Variants in IL17REL observed in about 807,000 individuals in gnomAD.
IL17REL encodes interleukin 17 receptor E like, also known as interleukin-17 receptor E-like protein.
IL17REL carries 36 observed loss-of-function variants against 49.0 expected under a neutral mutation model. The ratio of observed to expected loss-of-function variants is 0.73; its 90% CI spans 0.56 to 0.97. The LOEUF (loss-of-function observed/expected upper bound fraction) is 0.97. IL17REL is among the 50% of genes least tolerant of loss of function. The pLI, the probability that IL17REL is intolerant of heterozygous loss-of-function variation, is 0.00. For synonymous variants in IL17REL, 206 were observed against 192.4 expected, an observed-to-expected ratio of 1.07 and a Z score of -0.58; for missense variants, 470 against 453.9, an observed-to-expected ratio of 1.04 and a Z score of -0.32.
At chr22:50,011,660 C>A (rs1478785630), upstream of IL17REL, among the ~76,000 whole-genome samples, 1 of 152,162 alleles carries the variant, frequency 6.6e-6, no homozygotes, top group East Asian at 1.9e-4. Context: ...CCCATCTCCC[C>A]TGCTGCCACC....
intron 10 of IL17REL, 61 bp from the exon 13 acceptor site, chr22:49,997,544 C>T: frequency 1.5e-6 from 2 of 1,322,290 alleles, no homozygotes; most frequent in Non-Finnish European, 2.2e-6. Context: ...TCCCTTCCTT[C>T]CCCAGTGGGC....
chr22:49,993,418 G>A (rs906006815), downstream of IL17REL, among the ~76,000 whole-genome samples: 5 of 152,268 alleles, frequency 3.3e-5, no homozygotes, highest in Non-Finnish European at 5.9e-5. The surrounding 1 kb of genome is among the most constrained non-coding windows in gnomAD (Gnocchi z 6.0). Context: ...GTGGGTTTCC[G>A]GCGGTGGTGG....
chr22:49,991,885 A>T (rs1282749110), downstream of IL17REL, among the ~76,000 whole-genome samples: 1 of 152,188 alleles, frequency 6.6e-6, no homozygotes, highest in Non-Finnish European at 1.5e-5. Context: ...AGGTCCTGAC[A>T]TGTGCCTGAG....
exon 8 of IL17REL, chr22:49,998,167 C>A (rs1300602152): frequency 8.7e-6 from 14 of 1,608,808 alleles, no homozygotes; most frequent in Non-Finnish European, 1.1e-5. Flanking sequence ...TGGATTGCTG[C>A]AGCTTACGGC....
rs537662144 is a variant in IL17REL, at chr22:49,997,313, G to A, written c.974+7C>T. On this transcript the variant is annotated splice_region_variant and intron_variant, in intron 11 of 12. Transcript: ENST00000341280. The stretch of plus-strand genomic sequence containing the variant: ...CCCCAGGATGGAGCCCCACTCTCTC[G>A]GCTCACTGAGGCTGAAGGGAGCGGG... 8.7e-6 allele frequency: 14 copies of A among 1,611,720 alleles called. No individual in the cohort carries two copies. Among genetic ancestry groups the A allele is most frequent in the East Asian group, 2.2e-5 (1 of 44,824 alleles).
At chr22:50,000,788 G>A (rs1275395271) in exon 3 of IL17REL, 1 of 1,599,390 alleles carries the variant, frequency 6.3e-7, no homozygotes. Flanking sequence ...GGAGGCCCTG[G>A]CCACCCACAC....
chr22:50,004,735 C>G (rs1459187715), intron 1 of IL17REL, among the ~76,000 whole-genome samples: 1 of 151,508 alleles, frequency 6.6e-6, no homozygotes, highest in African/African-American at 2.4e-5. Context: ...GTGGTACACA[C>G]CTGTAGTCCT....
At chr22:49,998,621 T>C (rs2061052462) in intron 7 of IL17REL, among the ~76,000 whole-genome samples, 1 of 135,898 alleles carries the variant, frequency 7.4e-6, no homozygotes, top group Admixed American at 7.4e-5. Flanking sequence ...GTCATGGGTA[T>C]GGGTGTGCGT....
intron 8 of IL17REL, 30 bp from the exon 11 acceptor site, chr22:49,998,099 T>G: frequency 1.3e-6 from 2 of 1,591,716 alleles, no homozygotes; most frequent in Non-Finnish European, 1.7e-6. Flanking sequence ...GGCTGTGGCA[T>G]CCATGCCCAC....
chr22:50,000,085 C>T, intron 4 of IL17REL, 111 bp downstream of exon 6: 1 of 1,183,862 alleles, frequency 8.4e-7, no homozygotes, highest in Non-Finnish European at 1.1e-6. Context: ...TTGGGAGTCG[C>T]CCGCCCGAGG....
intron 4 of IL17REL, 51 bp downstream of exon 5, chr22:50,000,427 G>C (rs1292605361): frequency 7.1e-7 from 1 of 1,401,910 alleles, no homozygotes; most frequent in Non-Finnish European, 1.0e-6. Flanking sequence ...CCCCAAGCCA[G>C]GCCCTGGAGG....
chr22:50,007,426 A>C (rs1266577478), intron 1 of IL17REL, among the ~76,000 whole-genome samples: 1 of 152,158 alleles, frequency 6.6e-6, no homozygotes, highest in Non-Finnish European at 1.5e-5. Flanking sequence ...GCTGGAGTGC[A>C]ATGGTGCAAT....
intron 3 of IL17REL, 46 bp from the exon 5 acceptor site, chr22:50,000,638 C>T (rs1225924767): frequency 1.3e-6 from 2 of 1,573,320 alleles, no homozygotes; most frequent in Admixed American, 1.7e-5. Context: ...AGGCACTGCC[C>T]ACCCCACCCG....
At chr22:50,001,846 C>T (rs1483259438) in intron 1 of IL17REL, among the ~76,000 whole-genome samples, 2 of 152,232 alleles carry the variant, frequency 1.3e-5, no homozygotes, top group African/African-American at 2.4e-5. Flanking sequence ...TCACGTGAGC[C>T]ACAGAGCCTG....
At chr22:49,997,522 C>T (rs1601884814) in intron 10 of IL17REL, 39 bp from the exon 13 acceptor site, 2 of 1,350,566 alleles carry the variant, frequency 1.5e-6, no homozygotes, top group Admixed American at 1.9e-5. Context: ...TCCGGCCCAG[C>T]ACCCCACCGC....
In IL17REL at chr22:50,000,599, A is replaced by T. The variant is rs748762252; in HGVS notation, c.220-7T>A. 3 of 1,611,568 alleles carry T rather than the reference A, an allele frequency of 1.9e-6. No homozygotes were observed. In the South Asian group the frequency reaches 3.3e-5, roughly 18 times the overall value. On this transcript the variant is annotated splice_polypyrimidine_tract_variant and splice_region_variant and intron_variant, in intron 3 of 12. Coordinates refer to ENST00000341280, the Ensembl canonical transcript of IL17REL. Reference sequence around the variant, plus strand: ...AGCCAAAGTGCACTTGGAGCTGAGCAGGTGCAGGTGTGAGCTGCGTGGACT... The same window carrying T: ...AGCCAAAGTGCACTTGGAGCTGAGCTGGTGCAGGTGTGAGCTGCGTGGACT...
intron 1 of IL17REL, 135 bp downstream of exon 2, chr22:50,008,502 C>T (rs2061121905): frequency 6.6e-6 from 1 of 152,358 alleles, no homozygotes; most frequent in East Asian, 1.9e-4. Flanking sequence ...AGAGGTTTGC[C>T]CTGCCCAGAA....
chr22:49,999,859 A>C, exon 5 of IL17REL: 1 of 1,534,346 alleles, frequency 6.5e-7, no homozygotes, highest in African/African-American at 1.4e-5. Flanking sequence ...CTCGCAGGTG[A>C]ACCGCTTGAG....
chr22:50,006,344 C>G (rs2061110415), intron 1 of IL17REL, among the ~76,000 whole-genome samples: 1 of 152,034 alleles, frequency 6.6e-6, no homozygotes, highest in Non-Finnish European at 1.5e-5. Flanking sequence ...TAAACGGCCC[C>G]GACAGTCAGA....
Sources: allele counts gnomAD v4.1 joint callset (sites outside exome capture counted in the v4.1 genomes callset), GRCh38; gene constraint gnomAD v4.1.1; non-coding constraint Gnocchi (gnomAD v3.1); transcripts MANE v1.5; gene names NCBI Gene and HGNC (gene_info 2026-07-23, HGNC 2026-07-21).